Variants in SERF2 observed in about 807,000 individuals in gnomAD.
SERF2 encodes gastric cancer-related protein VRG107.
Under a neutral mutation model 10.7 loss-of-function variants are expected in SERF2, and 4 were observed. The ratio of observed to expected loss-of-function variants is 0.37; its 90% confidence interval spans 0.18 to 0.86. SERF2 has a LOEUF of 0.86. SERF2 is among the 40% of genes least tolerant of loss of function. SERF2 has a pLI of 0.43. For synonymous variants in SERF2, 26 were observed against 26.0 expected, an observed-to-expected ratio of 1.00 and a Z score of 0.01; for missense variants, 47 against 79.1, an observed-to-expected ratio of 0.59 and a Z score of 1.54.
At chr15:43,792,502 TC>T in intron 1 of SERF2, 119 bp downstream of exon 1, 1 of 1,579,700 alleles carries the variant, frequency 6.3e-7, no homozygotes, top group Non-Finnish European at 8.6e-7. Context: ...CTGGGCGCGC[TC>T]TGTGGCCACC....
intron 1 of SERF2, 77 bp downstream of exon 1, chr15:43,792,460 A>G: frequency 3.7e-6 from 6 of 1,611,580 alleles, no homozygotes; most frequent in Admixed American, 1.7e-5. Context: ...GCCGGCTTTG[A>G]CCTTCCGTAG....
chr15:43,793,881 G>T lies in SERF2; in HGVS notation c.*108G>T, dbSNP rs1477566693. On this transcript the variant is annotated 3_prime_UTR_variant, in exon 3 of 3. Coordinates refer to ENST00000249786, the MANE Select transcript of SERF2 (RefSeq NM_001018108.4). ...GTGCTCACAGGTCCCAGCACCGATG[G>T]CATTCCCTTTGCCCTGAGTCTGCAG... The T allele has an allele frequency of 1.2e-6, 2 of 1,606,936 alleles. No homozygotes were observed. The highest frequency in any genetic ancestry group is 1.7e-6 in the Non-Finnish European group (2 of 1,176,478).
chr15:43,786,284 G>A (rs1187243209), intron 2 of SERF2, among the ~76,000 whole-genome samples: 2 of 151,410 alleles, frequency 1.3e-5, no homozygotes, highest in Non-Finnish European at 2.9e-5. Flanking sequence ...GTGTGGTGGC[G>A]GGTGCCTGTA....
chr15:43,795,319 G>C lies in SERF2; in HGVS notation c.*1546G>C. ...GGCAGACCCATGTGTGTCTGGAATGGCCTTGAATTGCTCTTTCCTTAAAAT... is the reference window on the plus strand; with the variant it reads ...GGCAGACCCATGTGTGTCTGGAATGCCCTTGAATTGCTCTTTCCTTAAAAT... On this transcript the variant is annotated 3_prime_UTR_variant, in exon 3 of 3. Coordinates refer to ENST00000249786, the MANE Select transcript of SERF2 (RefSeq NM_001018108.4). The C allele has an allele frequency of 7.5e-6, 12 of 1,597,546 alleles. No homozygotes were observed. Among genetic ancestry groups the C allele is most frequent in the Non-Finnish European group, 1.0e-5 (12 of 1,165,578 alleles).
chr15:43,788,895 AT>A (rs2087029470), upstream of SERF2, among the ~76,000 whole-genome samples: 7 of 152,166 alleles, frequency 4.6e-5, no homozygotes, highest in African/African-American at 1.2e-4. Context: ...CACGCCTGTA[AT>A]CCCAGCACTT....
At chr15:43,793,198 G>A (rs2087112067) in intron 2 of SERF2, 115 bp downstream of exon 2, 1 of 664,316 alleles carries the variant, frequency 1.5e-6, no homozygotes, top group Non-Finnish European at 2.7e-6. Flanking sequence ...GAGGAGCAGA[G>A]TGCATTGCTT....
chr15:43,780,626 A>C (rs1344503285), intron 1 of SERF2, among the ~76,000 whole-genome samples: 1 of 152,086 alleles, frequency 6.6e-6, no homozygotes, highest in African/African-American at 2.4e-5. Flanking sequence ...GTATCTGTGA[A>C]TTTGACTACT....
chr15:43,795,923 T>G lies in SERF2; in HGVS notation c.*2150T>G. On this transcript the variant is annotated 3_prime_UTR_variant, in exon 3 of 3. Transcript: ENST00000249786. Reference sequence around the variant, plus strand: ...AGATGTTTAATCTTTTGTGCCTCGATTTCTCCATTTGTAAAATGGAGCAAA... The same window carrying G: ...AGATGTTTAATCTTTTGTGCCTCGAGTTCTCCATTTGTAAAATGGAGCAAA... The G allele has an allele frequency of 1.5e-6, 1 of 658,068 alleles. No homozygotes were observed. The highest frequency in any genetic ancestry group is 2.6e-6 in the Non-Finnish European group (1 of 383,470). The allele number at this position is 658,068 out of a possible 1,614,324, so 40.8% of individuals were successfully genotyped here.
chr15:43,777,496 CAG>C (rs1192252616), exon 1 of SERF2: 1 of 189,042 alleles, frequency 5.3e-6, no homozygotes, highest in Non-Finnish European at 1.1e-5. Context: ...CGATTTCTAA[CAG>C]AGAGGTAATT....
At chr15:43,784,138 T>C (rs2086986856) in intron 1 of SERF2, among the ~76,000 whole-genome samples, 1 of 151,800 alleles carries the variant, frequency 6.6e-6, no homozygotes, top group Non-Finnish European at 1.5e-5. Flanking sequence ...CCCAAGCTGG[T>C]CTCAAAGTCT....
At chr15:43,787,530 T>C (rs1016318470), upstream of SERF2, among the ~76,000 whole-genome samples, 4 of 152,208 alleles carry the variant, frequency 2.6e-5, no homozygotes, top group African/African-American at 9.7e-5. Flanking sequence ...CCCGAGTATC[T>C]GGGATTGCGG....
upstream of SERF2, among the ~76,000 whole-genome samples, chr15:43,791,062 C>T (rs1287405706): frequency 6.6e-6 from 1 of 150,992 alleles, no homozygotes; most frequent in African/African-American, 2.4e-5. Context: ...GCCACCTTGC[C>T]CAGCCTTTCT....
rs2087098699 is a variant in SERF2 at position 43,792,820 on chromosome 15, C to G, written c.8-155C>G. ...GGCCCGTGGCAGATTCGCCACTCCCCCCTACCCCAAGCAGCCTGGGCCTCG... is the reference window on the plus strand; with the variant it reads ...GGCCCGTGGCAGATTCGCCACTCCCGCCTACCCCAAGCAGCCTGGGCCTCG... On this transcript the variant is annotated intron_variant, in intron 1 of 2. Coordinates refer to ENST00000249786, the MANE Select transcript of SERF2 (RefSeq NM_001018108.4). The G allele has an allele frequency of 1.3e-5, 9 of 696,600 alleles. No individual in the cohort carries two copies. The East Asian group carries it at 2.5e-4, about 19-fold the overall frequency. 43.2% of individuals were successfully genotyped at this position (696,600 alleles called of 1,614,324 possible).
intron 1 of SERF2, among the ~76,000 whole-genome samples, chr15:43,780,264 C>T (rs896090253): frequency 2.6e-5 from 4 of 152,168 alleles, no homozygotes; most frequent in Admixed American, 6.5e-5. Context: ...CTCAGCCTCC[C>T]GAGTAGCTGA....
At chr15:43,790,178 G>C (rs900477954), upstream of SERF2, among the ~76,000 whole-genome samples, 9 of 150,822 alleles carry the variant, frequency 6.0e-5, no homozygotes, top group African/African-American at 2.2e-4. Flanking sequence ...GCGTGGTGGC[G>C]GGTGCCTGTA....
chr15:43,783,455 G>A (rs773980227), intron 1 of SERF2, among the ~76,000 whole-genome samples: 3 of 150,714 alleles, frequency 2.0e-5, no homozygotes, highest in African/African-American at 4.9e-5. Context: ...GTGCCACCAC[G>A]CCTGGCTAAT....
chr15:43,793,958 C>G lies in SERF2; in HGVS notation c.*185C>G. On this transcript the variant is annotated 3_prime_UTR_variant, in exon 3 of 3. Coordinates refer to ENST00000249786, the MANE Select transcript of SERF2 (RefSeq NM_001018108.4). ...TCAGGTAGCCTCTCTCCCCCTGGGC[C>G]ACTCCCGGGGGTGAGGGGGTTACCC... 1 of 1,546,226 alleles carries G rather than the reference C, an allele frequency of 6.5e-7. No homozygotes were observed. The highest frequency in any genetic ancestry group is 2.4e-5 in the East Asian group (1 of 40,934).
chr15:43,789,647 G>T (rs987908722), upstream of SERF2, among the ~76,000 whole-genome samples: 4 of 152,206 alleles, frequency 2.6e-5, no homozygotes, highest in Middle Eastern at 3.4e-3. Context: ...TGTGCACTGC[G>T]AAACATTTTG....
rs780809743 is a variant in SERF2, at chr15:43,777,111, C to G, written c.-918C>G. On this transcript the variant is annotated 5_prime_UTR_variant, in exon 1 of 5. Transcript: ENST00000381359. ...GCTTCGCTCTCCCCGGCCAACCGCC[C>G]GGACCTCGGCGCTTTCTTCTAGGAT... The G allele has an allele frequency of 1.2e-5, 9 of 774,438 alleles. 1 individual carries two copies. In the East Asian group the frequency reaches 1.9e-4, roughly 16 times the overall value. The allele number at this position is 774,438 out of a possible 1,614,324, so 48.0% of individuals were successfully genotyped here. A position where few individuals can be genotyped will look rare whatever the true frequency, so the allele number is the denominator to read the frequency against.
Sources: allele counts gnomAD v4.1 joint callset (sites outside exome capture counted in the v4.1 genomes callset), GRCh38; gene constraint gnomAD v4.1.1; transcripts MANE v1.5; gene names NCBI Gene and HGNC (gene_info 2026-07-23, HGNC 2026-07-21).